The following SLC6A13 variants were observed in gnomAD, a reference collection of about 807,000 sequenced individuals.
SLC6A13 encodes sodium- and chloride-dependent GABA transporter 2.
SLC6A13 carries 69 observed loss-of-function variants against 72.9 expected under a neutral mutation model. The observed-to-expected ratio is 0.95, with a 90% CI of 0.78 to 1.16. SLC6A13 has a LOEUF of 1.16. SLC6A13 is among the 50% of genes most tolerant of loss of function. The pLI, the probability that SLC6A13 is intolerant of heterozygous loss-of-function variation, is 0.00. For missense variants in SLC6A13, 735 were observed against 760.5 expected, an observed-to-expected ratio of 0.97 and a Z score of 0.39; for synonymous variants, 303 against 303.0, an observed-to-expected ratio of 1.00 and a Z score of 0.00.
intron 7 of SLC6A13, among the ~76,000 whole-genome samples, chr12:231,982 T>C (rs1013444582): frequency 6.6e-6 from 1 of 152,222 alleles, no homozygotes; most frequent in African/African-American, 2.4e-5. Flanking sequence ...CCAGTCCCAG[T>C]TGCAGATGTG....
chr12:224,324 A>G (rs1565488553), intron 10 of SLC6A13, 77 bp downstream of exon 10: 1 of 1,377,624 alleles, frequency 7.3e-7, no homozygotes, highest in South Asian at 1.2e-5. Flanking sequence ...CACTTCTGAC[A>G]TTCACCCATG....
chr12:239,672 G>A (rs560923956), intron 4 of SLC6A13, among the ~76,000 whole-genome samples: 47 of 152,278 alleles, frequency 3.1e-4, no homozygotes, highest in African/African-American at 1.0e-3. Context: ...AAAGCCCCAG[G>A]AGGGTGGGGT....
intron 2 of SLC6A13, among the ~76,000 whole-genome samples, chr12:249,413 C>G (rs930365305): frequency 1.3e-5 from 2 of 151,926 alleles, no homozygotes; most frequent in African/African-American, 4.8e-5. Context: ...TTAGAAGACA[C>G]AAATTATCAG....
At chr12:224,640 T>A in intron 9 of SLC6A13, 127 bp from the exon 10 acceptor site, 1 of 700,036 alleles carries the variant, frequency 1.4e-6, no homozygotes, top group Non-Finnish European at 2.4e-6. Context: ...CCAAAGTTGC[T>A]GTCACCACCA....
intron 2 of SLC6A13, among the ~76,000 whole-genome samples, chr12:250,763 C>T (rs1942503182): frequency 9.1e-6 from 1 of 109,686 alleles, no homozygotes; most frequent in Non-Finnish European, 1.8e-5. Context: ...GCACAACAGA[C>T]TTTTTTGTAG....
intron 1 of SLC6A13, among the ~76,000 whole-genome samples, chr12:261,226 G>T (rs1942916838): frequency 6.6e-6 from 1 of 152,308 alleles, no homozygotes; most frequent in East Asian, 1.9e-4. Flanking sequence ...TATAGACTAG[G>T]CACTTCACAT....
rs543870755 is a variant in SLC6A13, at chr12:241,574, T to TA, written c.478+1039dup. On this transcript the variant is annotated intron_variant, in intron 4 of 14. Transcript: ENST00000343164. ...CACTTGCCACATTTCAGGTGCTCAA[T>TA]AACCACACATAGGAGTCACTCCAAA... Among the ~76,000 whole-genome samples, 56 of 152,352 alleles carry TA rather than the reference T, an allele frequency of 3.7e-4. 1 individual carries two copies. In the South Asian group the frequency reaches 0.011, roughly 30 times the overall value.
chr12:222,472 C>A, intron 13 of SLC6A13, 60 bp downstream of exon 13: 1 of 1,072,478 alleles, frequency 9.3e-7, no homozygotes, highest in Non-Finnish European at 1.4e-6. Flanking sequence ...GGCTTCTCTA[C>A]CCCTGCTAGC....
At chr12:237,403 T>C (rs895044940) in intron 5 of SLC6A13, 113 bp from the exon 6 acceptor site, 1 of 1,156,264 alleles carries the variant, frequency 8.6e-7, no homozygotes, top group Non-Finnish European at 1.2e-6. Context: ...CAAAGGCTTC[T>C]CTGCTCTCTT....
chr12:259,953 GC>G lies in SLC6A13; in HGVS notation c.99del (p.His34ThrfsTer19). ...KKEEDGTLER[G>X]HWNNKMEFVL... ...ACAAACTCCATCTTGTTGTTCCAGT[GC>G]CCCCGCTCCAGGGTGCCATCTTCCT... On this transcript the variant is annotated frameshift_variant, in exon 2 of 15. Coordinates refer to ENST00000343164, the MANE Select transcript of SLC6A13 (RefSeq NM_016615.5). LOFTEE classifies it high-confidence loss of function. 6.2e-7 allele frequency: 1 copy of G among 1,614,174 alleles called. No individual in the cohort carries two copies. Among genetic ancestry groups the G allele is most frequent in the East Asian group, 2.2e-5 (1 of 44,886 alleles).
At chr12:245,529 A>C (rs1164194366) in intron 2 of SLC6A13, among the ~76,000 whole-genome samples, 1 of 152,040 alleles carries the variant, frequency 6.6e-6, no homozygotes, top group African/African-American at 2.4e-5. Context: ...AAAATACAAA[A>C]ATTAGCCTGG....
intron 2 of SLC6A13, among the ~76,000 whole-genome samples, chr12:252,617 C>T (rs1016272152): frequency 2.1e-4 from 32 of 152,254 alleles, no homozygotes; most frequent in African/African-American, 7.5e-4. Context: ...GGAAAGGTAG[C>T]AAACAATTCA....
chr12:242,079 G>A (rs1393388425), intron 4 of SLC6A13, among the ~76,000 whole-genome samples: 1 of 152,194 alleles, frequency 6.6e-6, no homozygotes, highest in Non-Finnish European at 1.5e-5. Context: ...TTCATCCAAG[G>A]ACGAAATTGC....
chr12:227,627 G>A lies in SLC6A13; in HGVS notation c.873C>T (p.Ala291=), dbSNP rs1222271647. The A allele has an allele frequency of 1.2e-6, 2 of 1,613,592 alleles. No individual in the cohort carries two copies. Among genetic ancestry groups the A allele is most frequent in the Admixed American group, 3.3e-5 (2 of 59,986 alleles). The part of the protein sequence containing the change: ...DAGTQIFFSF[A]ICLGCLTALG... Reference sequence around the variant, plus strand: ...GGGCTGTCAGGCACCCAAGACAGATGGCGAAGGAGAAGAATATCTGGGTGC... The same window carrying A: ...GGGCTGTCAGGCACCCAAGACAGATAGCGAAGGAGAAGAATATCTGGGTGC... Residue 291 remains alanine, a synonymous_variant, in exon 8 of 15, where the codon GCC becomes GCT. Coordinates refer to ENST00000343164, the MANE Select transcript of SLC6A13 (RefSeq NM_016615.5).
At chr12:248,987 T>G (rs1942450876) in intron 2 of SLC6A13, among the ~76,000 whole-genome samples, 1 of 152,152 alleles carries the variant, frequency 6.6e-6, no homozygotes, top group African/African-American at 2.4e-5. Context: ...ATTTGGAAAA[T>G]TGCCACCTAT....
intron 2 of SLC6A13, among the ~76,000 whole-genome samples, chr12:251,867 G>A (rs990582658): frequency 6.6e-6 from 1 of 152,164 alleles, no homozygotes; most frequent in Non-Finnish European, 1.5e-5. Context: ...GGAGGCTGTG[G>A]TGGGAAGATC....
chr12:221,983 G>A (rs963515714), intron 13 of SLC6A13, among the ~76,000 whole-genome samples: 2 of 152,172 alleles, frequency 1.3e-5, no homozygotes, highest in East Asian at 1.9e-4. Context: ...AGGAAGCTGC[G>A]CGTTGTGGTT....
At chr12:259,004 T>G (rs547927076) in intron 2 of SLC6A13, 2 of 985,018 alleles carry the variant, frequency 2.0e-6, no homozygotes, top group Non-Finnish European at 2.4e-6. Flanking sequence ...AACGTCATCA[T>G]CAGCAGAGCT....
chr12:223,784 T>A, intron 11 of SLC6A13: 1 of 578,650 alleles, frequency 1.7e-6, no homozygotes, highest in Non-Finnish European at 3.1e-6. Flanking sequence ...TCCTCACCCA[T>A]CCCTGGAGGT....
Sources: gnomAD v4.1 joint callset for allele counts (sites outside exome capture counted in the v4.1 genomes callset) on GRCh38, gnomAD v4.1.1 for gene constraint, MANE v1.5 for transcripts, NCBI Gene and HGNC (gene_info 2026-07-23, HGNC 2026-07-21) for gene names.